Variants in ADARB2 observed in about 807,000 individuals in gnomAD.
ADARB2 encodes the protein inactive double-stranded RNA-specific editase B2.
ADARB2 carries 25 observed loss-of-function variants against 62.2 expected under a neutral mutation model. That is an observed-to-expected ratio of 0.40 (90% CI 0.29 to 0.56). The LOEUF is 0.56. Among genes scored for constraint, ADARB2 ranks in the 20% least tolerant of loss-of-function variants. The pLI is 0.43. For missense variants in ADARB2, 1,071 were observed against 1,077.4 expected (o/e 0.99, Z 0.08); for synonymous variants, 572 against 500.8 (o/e 1.14, Z -1.90).
intron 1 of ADARB2, among the ~76,000 whole-genome samples, chr10:1,448,371 G>A (rs769386735): frequency 2.0e-5 from 3 of 152,154 alleles, no homozygotes; most frequent in Non-Finnish European, 4.4e-5. Flanking sequence ...GTATATGCAT[G>A]TGTCAGGACT....
At chr10:1,289,263 C>A (rs921114987) in intron 3 of ADARB2, among the ~76,000 whole-genome samples, 1 of 152,222 alleles carries the variant, frequency 6.6e-6, no homozygotes, top group African/African-American at 2.4e-5. Flanking sequence ...CCAGACTGAA[C>A]CAATGTCAAT....
rs765731656 is a variant in ADARB2, at chr10:1,271,024, C to G, written c.1123G>C (p.Glu375Gln). Residue 375 changes from glutamate to glutamine, a missense_variant, in exon 4 of 10, where the codon GAG (glutamate) becomes CAG (glutamine). Coordinates refer to ENST00000381312, the MANE Select transcript of ADARB2 (RefSeq NM_018702.4). ...ATGGGCGTGAGGTCCGTCGTCACCTCGCGGAACTTCTGTGTGACCAGCTGG... is the reference window on the plus strand; with the variant it reads ...ATGGGCGTGAGGTCCGTCGTCACCTGGCGGAACTTCTGTGTGACCAGCTGG... ...ISQLVTQKFR[E>Q]VTTDLTPMHA... 15 of 1,613,892 alleles carry G rather than the reference C, an allele frequency of 9.3e-6. 1 individual carries two copies. The Middle Eastern group carries it at 1.5e-3, about 159-fold the overall frequency.
intron 3 of ADARB2, chr10:1,292,947 AGAGGGAAGGAGAGAGAGGGAGAGG>A (rs71379105): frequency 0.68 from 72,564 of 107,262 alleles, 25,422 homozygotes; most frequent in Middle Eastern, 0.77. Context: ...TTCCATGGAG[AGAGGGAAGGAGAGAGAGGGAGAGG>A]GAGGGAAGGA....
intron 3 of ADARB2, among the ~76,000 whole-genome samples, chr10:1,345,145 G>T (rs952716739): frequency 1.3e-5 from 2 of 152,100 alleles, no homozygotes; most frequent in Admixed American, 6.5e-5. Flanking sequence ...CCTGGGGGGT[G>T]AGGATGCTTC....
At chr10:1,514,494 C>G (rs925778829) in intron 1 of ADARB2, among the ~76,000 whole-genome samples, 1 of 151,906 alleles carries the variant, frequency 6.6e-6, no homozygotes, top group Non-Finnish European at 1.5e-5. Context: ...TTCCTCCTAC[C>G]TCCTCCCTCA....
chr10:1,581,461 C>T (rs978269390), intron 1 of ADARB2, among the ~76,000 whole-genome samples: 1 of 152,160 alleles, frequency 6.6e-6, no homozygotes, highest in Non-Finnish European at 1.5e-5. Flanking sequence ...GAGCCTGGGC[C>T]CTGGAGCCAC....
At chr10:1,614,917 A>AT (rs66924438) in intron 1 of ADARB2, among the ~76,000 whole-genome samples, 11 of 151,614 alleles carry the variant, frequency 7.3e-5, no homozygotes, top group African/African-American at 2.4e-4. Flanking sequence ...ACTCAAAAAA[A>AT]AATAATAAAA....
At position 1,182,570 on chromosome 10, in the gene ADARB2, T is replaced by G. The variant is rs940886794; in HGVS notation, c.*623A>C. On this transcript the variant is annotated 3_prime_UTR_variant, in exon 10 of 10. Coordinates refer to ENST00000381312, the MANE Select transcript of ADARB2 (RefSeq NM_018702.4). ...TCTGCCTCGCAGGGGTTTTGGAAAC[T>G]GTTCCTTCACTTTGTGGGAATGGCT... 1 of 152,478 alleles carries G rather than the reference T, an allele frequency of 6.6e-6. No homozygotes were observed. Among genetic ancestry groups the G allele is most frequent in the Admixed American group, 6.5e-5 (1 of 15,280 alleles). The allele number at this position is 152,478 out of a possible 1,614,324, so 9.4% of individuals were successfully genotyped here.
intron 1 of ADARB2, among the ~76,000 whole-genome samples, chr10:1,453,521 C>T (rs1216596238): frequency 6.6e-6 from 1 of 152,150 alleles, no homozygotes; most frequent in East Asian, 1.9e-4. Context: ...GAACACTGTC[C>T]TCTCTCCACT....
At chr10:1,316,717 G>A (rs1280868625) in intron 3 of ADARB2, among the ~76,000 whole-genome samples, 1 of 152,178 alleles carries the variant, frequency 6.6e-6, no homozygotes, top group Non-Finnish European at 1.5e-5. Context: ...CACTGGCCTG[G>A]CTATAAAGTG....
intron 7 of ADARB2, chr10:1,216,241 C>G (rs968889736): frequency 1.8e-5 from 2 of 112,906 alleles, no homozygotes; most frequent in Non-Finnish European, 3.5e-5. Context: ...GGCATCAGAC[C>G]GAGGTTGGGG....
At chr10:1,576,289 G>T (rs1259264710) in intron 1 of ADARB2, among the ~76,000 whole-genome samples, 1 of 151,016 alleles carries the variant, frequency 6.6e-6, no homozygotes, top group East Asian at 2.0e-4. Flanking sequence ...AGGGGGCTCA[G>T]GATCACTGGA....
In ADARB2 at chr10:1,401,042, C is replaced by T. The variant is rs550763372; in HGVS notation, c.101-21882G>A. On this transcript the variant is annotated intron_variant, in intron 1 of 9. Transcript: ENST00000381312. The stretch of plus-strand genomic sequence containing the variant: ...CGATTGGAAAACTGGAAAGAGCAAG[C>T]GCAGTATCAGAGAGTCCCAGGACCC... Among the ~76,000 whole-genome samples, 9 of 152,300 alleles carry T rather than the reference C, an allele frequency of 5.9e-5. No individual in the cohort carries two copies. The South Asian group carries it at 8.3e-4, about 14-fold the overall frequency.
chr10:1,689,882 G>T (rs932937837), intron 1 of ADARB2, among the ~76,000 whole-genome samples: 1 of 152,156 alleles, frequency 6.6e-6, no homozygotes, highest in African/African-American at 2.4e-5. Context: ...TTACGTAGGG[G>T]TCTCTATTTT....
intron 1 of ADARB2, among the ~76,000 whole-genome samples, chr10:1,476,514 G>T (rs1278087044): frequency 6.6e-6 from 1 of 152,234 alleles, no homozygotes; most frequent in Non-Finnish European, 1.5e-5. Context: ...TGACAGCCCA[G>T]AAGCTGAGGC....
At chr10:1,611,133 TC>T (rs910856176) in intron 1 of ADARB2, among the ~76,000 whole-genome samples, 2 of 152,104 alleles carry the variant, frequency 1.3e-5, no homozygotes, top group Non-Finnish European at 1.5e-5. Flanking sequence ...GAGGAAACCT[TC>T]CCCGTGGACC....
chr10:1,389,965 T>C (rs1004978014), intron 1 of ADARB2, among the ~76,000 whole-genome samples: 3 of 152,072 alleles, frequency 2.0e-5, no homozygotes, highest in African/African-American at 7.2e-5. Context: ...CCAAGATAAA[T>C]GAAATGTATA....
chr10:1,492,298 G>A (rs1352885987), intron 1 of ADARB2, among the ~76,000 whole-genome samples: 1 of 152,102 alleles, frequency 6.6e-6, no homozygotes, highest in Non-Finnish European at 1.5e-5. Context: ...CTAACCCATG[G>A]GACCTCAGGA....
intron 1 of ADARB2, among the ~76,000 whole-genome samples, chr10:1,543,507 G>C (rs574772448): frequency 5.1e-4 from 77 of 152,308 alleles, no homozygotes; most frequent in African/African-American, 1.8e-3. Flanking sequence ...GGACAATTTA[G>C]ACATTGCAGT....
Sources: gnomAD v4.1 joint callset for allele counts (sites outside exome capture counted in the v4.1 genomes callset) on GRCh38, gnomAD v4.1.1 for gene constraint, MANE v1.5 for transcripts, NCBI Gene and HGNC (gene_info 2026-07-23, HGNC 2026-07-21) for gene names.